SEL1L2: variants seen among roughly 807,000 people sequenced by gnomAD.
The protein encoded by SEL1L2 is protein sel-1 homolog 2.
SEL1L2 carries 89 observed loss-of-function variants against 98.8 expected under a neutral mutation model. The ratio of observed to expected loss-of-function variants is 0.90; its 90% confidence interval spans 0.76 to 1.07. The LOEUF is 1.07. Among genes scored for constraint, SEL1L2 ranks in the 50% least tolerant of loss-of-function variants. The pLI is 0.00. For synonymous variants in SEL1L2, 262 were observed against 278.5 expected, an observed-to-expected ratio of 0.94 and a Z score of 0.59; for missense variants, 788 against 812.0, an observed-to-expected ratio of 0.97 and a Z score of 0.36.
At chr20:13,913,002 T>A (rs1308472868) in intron 5 of SEL1L2, among the ~76,000 whole-genome samples, 1 of 152,218 alleles carries the variant, frequency 6.6e-6, no homozygotes, top group Non-Finnish European at 1.5e-5. Flanking sequence ...TTTTGTTAAG[T>A]AGCTTATTCA....
Position 13,859,385 on chromosome 20 carries a change from A to G in SEL1L2, c.1695T>C (p.Tyr565=). ...VKIGDYHYYG[Y]GTKKDYQTAA... is the part of the protein sequence containing the mutation. ...CTGTTTGATAGTCTTTCTTAGTCCC[A>G]TAGCCATAGTAATGGTAATCTCCAA... The change falls in exon 18 of 20, where the codon TAT becomes TAC. Residue 565 remains tyrosine (Y), a synonymous_variant. Coordinates refer to ENST00000284951, the MANE Select transcript of SEL1L2 (RefSeq NM_025229.2). 6.2e-7 allele frequency: 1 copy of G among 1,614,132 alleles called. No individual in the cohort carries two copies. Among genetic ancestry groups the G allele is most frequent in the Non-Finnish European group, 8.5e-7 (1 of 1,179,988 alleles).
intron 3 of SEL1L2, among the ~76,000 whole-genome samples, chr20:13,923,549 A>AG (rs2048751009): frequency 6.6e-6 from 1 of 152,112 alleles, no homozygotes; most frequent in Non-Finnish European, 1.5e-5. Context: ...TGGGTGAATC[A>AG]CTTGAACCAG....
chr20:13,858,064 T>C (rs1378814926), intron 18 of SEL1L2, among the ~76,000 whole-genome samples: 1 of 152,148 alleles, frequency 6.6e-6, no homozygotes, highest in Admixed American at 6.6e-5. Flanking sequence ...GGATTTGACA[T>C]TCTTTCCACT....
At chr20:13,926,255 T>C (rs6074666) in intron 3 of SEL1L2, among the ~76,000 whole-genome samples, 150,641 of 152,316 alleles carry the variant, frequency 0.99, 74,494 homozygotes, top group East Asian at 1. Flanking sequence ...GCGGAGCTTG[T>C]AGTGAGCGGA....
At chr20:13,871,516 C>CT (rs552967323) in intron 12 of SEL1L2, among the ~76,000 whole-genome samples, 2,401 of 144,914 alleles carry the variant, frequency 0.017, 41 homozygotes, top group African/African-American at 0.043. Flanking sequence ...ACCTGACTTT[C>CT]TTTTTTTTTT....
intron 3 of SEL1L2, among the ~76,000 whole-genome samples, chr20:13,926,143 CG>C (rs1279086042): frequency 6.6e-6 from 1 of 152,068 alleles, no homozygotes; most frequent in Non-Finnish European, 1.5e-5. Context: ...ACGGTGAAAC[CG>C]TCTCTCCTAA....
At chr20:13,915,183 A>G in intron 4 of SEL1L2, 1 of 1,289,716 alleles carries the variant, frequency 7.8e-7, no homozygotes, top group Non-Finnish European at 1.0e-6. Context: ...AAGCTGGAGC[A>G]GAGTAGTCCA....
intron 1 of SEL1L2, 148 bp downstream of exon 1, chr20:13,990,329 T>G (rs2052480050): frequency 1.5e-6 from 1 of 651,154 alleles, no homozygotes; most frequent in African/African-American, 1.9e-5. Context: ...TTATTCTTAT[T>G]GGACATTTTA....
chr20:13,920,586 TACAC>T (rs3042762), intron 3 of SEL1L2, among the ~76,000 whole-genome samples: 13 of 150,464 alleles, frequency 8.6e-5, no homozygotes, highest in African/African-American at 1.9e-4. Flanking sequence ...CACTCTCACA[TACAC>T]ACACACACAC....
chr20:13,908,981 T>C (rs1398696083), intron 5 of SEL1L2, among the ~76,000 whole-genome samples: 1 of 149,484 alleles, frequency 6.7e-6, no homozygotes, highest in Non-Finnish European at 1.5e-5. Context: ...TATTGTTAAA[T>C]AGGGTCCCTA....
rs2047055597 is a variant in SEL1L2 at position 13,888,483 on chromosome 20, TATTCCATAAGAAGACAAAAATCCTA to T, written c.554_578del (p.Leu185Ter). 1 of 1,569,082 alleles carries T rather than the reference TATTCCATAAGAAGACAAAAATCCTA, an allele frequency of 6.4e-7. No individual in the cohort carries two copies. Among genetic ancestry groups the T allele is most frequent in the South Asian group, 1.2e-5 (1 of 86,328 alleles). On this transcript the variant is annotated frameshift_variant, in exon 6 of 20. Coordinates refer to ENST00000284951, the MANE Select transcript of SEL1L2 (RefSeq NM_025229.2). LOFTEE classifies it high-confidence loss of function. ...CCTTAGCTTGATCATATTCCATTCC[TATTCCATAAGAAGACAAAAATCCTA>T]ATGCCTAAAGCACAAAAGAAGAAAC...
At chr20:13,969,726 G>A (rs1215841162) in intron 1 of SEL1L2, among the ~76,000 whole-genome samples, 6 of 152,148 alleles carry the variant, frequency 3.9e-5, no homozygotes, top group East Asian at 3.9e-4. Flanking sequence ...ATTCTTTTCC[G>A]AATATCCAAT....
intron 2 of SEL1L2, among the ~76,000 whole-genome samples, chr20:13,934,971 A>G (rs952379576): frequency 6.6e-6 from 1 of 152,170 alleles, no homozygotes; most frequent in African/African-American, 2.4e-5. Flanking sequence ...ACTCTCTAGT[A>G]TAGTGGAATT....
rs369233991 is a variant in SEL1L2, at chr20:13,863,225, GC to G, written c.1645+1941del. ...CCTTTGACCCTAAGATTCCTCCTGG[GC>G]TATAACCACAAAGAGATAGGACAAT... On this transcript the variant is annotated intron_variant, in intron 17 of 19. Transcript: ENST00000284951. Among the ~76,000 whole-genome samples the G allele has an allele frequency of 2.0e-5, 3 of 152,268 alleles. No individual in the cohort carries two copies. The East Asian group carries it at 5.8e-4, about 29-fold the overall frequency.
chr20:13,893,025 A>G (rs560270444), intron 5 of SEL1L2, among the ~76,000 whole-genome samples: 1 of 152,210 alleles, frequency 6.6e-6, no homozygotes, highest in Admixed American at 6.5e-5. Flanking sequence ...TCTGAAAATA[A>G]CTGCAGCTAG....
At chr20:13,987,787 G>A (rs938896234) in intron 1 of SEL1L2, among the ~76,000 whole-genome samples, 1 of 152,116 alleles carries the variant, frequency 6.6e-6, no homozygotes. Flanking sequence ...TCTTCTTTGG[G>A]AAAATTTCTA....
chr20:13,934,446 C>T (rs1600816770), intron 2 of SEL1L2, among the ~76,000 whole-genome samples: 2 of 4,076 alleles, frequency 4.9e-4, no homozygotes, highest in African/African-American at 7.2e-4. Flanking sequence ...ATATATATTC[C>T]ATATATATAT....
At chr20:13,965,241 A>T (rs1342863104) in intron 1 of SEL1L2, among the ~76,000 whole-genome samples, 1 of 152,200 alleles carries the variant, frequency 6.6e-6, no homozygotes, top group Non-Finnish European at 1.5e-5. Flanking sequence ...CAGAGAAGAC[A>T]CTCATTCAGG....
intron 2 of SEL1L2, among the ~76,000 whole-genome samples, chr20:13,955,510 A>G (rs1017863218): frequency 6.6e-5 from 10 of 152,168 alleles, no homozygotes; most frequent in Non-Finnish European, 2.9e-5. Context: ...AGGAGCTGAT[A>G]TCAGAGAAAA....
Sources: gnomAD v4.1 joint callset for allele counts (sites outside exome capture counted in the v4.1 genomes callset) on GRCh38, gnomAD v4.1.1 for gene constraint, MANE v1.5 for transcripts, NCBI Gene and HGNC (gene_info 2026-07-23, HGNC 2026-07-21) for gene names.